Variants in SH3RF2 observed in about 807,000 individuals in gnomAD.
SH3RF2 encodes the protein SH3 domain containing ring finger 2, also known as E3 ubiquitin-protein ligase SH3RF2.
SH3RF2 carries 43 observed loss-of-function variants against 59.0 expected under a neutral mutation model. That is an observed-to-expected ratio of 0.73 (90% CI 0.57 to 0.94). SH3RF2 has a LOEUF of 0.94. SH3RF2 is among the 40% of genes least tolerant of loss of function. The pLI is 0.00. For missense variants in SH3RF2, 930 were observed against 940.1 expected (o/e 0.99, Z 0.14); for synonymous variants, 391 against 391.5 (o/e 1.00, Z 0.01).
chr5:145,950,179 C>G (rs1410740998), intron 2 of SH3RF2, among the ~76,000 whole-genome samples: 1 of 152,168 alleles, frequency 6.6e-6, no homozygotes, highest in South Asian at 2.1e-4. Context: ...CTCAACTGTC[C>G]TTGGAGGTCT....
chr5:146,049,185 T>C lies in SH3RF2; in HGVS notation c.1262T>C (p.Val421Ala). Residue 421 changes from valine to alanine, a missense_variant, in exon 7 of 10, where the codon GTC becomes GCC. Val to Ala is a moderately conservative substitution (Grantham distance 64, BLOSUM62 0). Transcript: ENST00000359120. ...TGCCAGGACGGCTGGCTCAGGGGCG[T>C]CTCCTTGGTCACCGGGCGAGTCGGC... ...GKCQDGWLRG[V>A]SLVTGRVGIF... The C allele has an allele frequency of 1.9e-6, 3 of 1,613,880 alleles. No individual in the cohort carries two copies. The highest frequency in any genetic ancestry group is 2.5e-6 in the Non-Finnish European group (3 of 1,179,948).
chr5:145,975,484 G>A (rs1440932575), intron 2 of SH3RF2, among the ~76,000 whole-genome samples: 2 of 152,194 alleles, frequency 1.3e-5, no homozygotes, highest in Non-Finnish European at 2.9e-5. Flanking sequence ...TTGGATATCA[G>A]ATCCCCCTTC....
intron 2 of SH3RF2, among the ~76,000 whole-genome samples, chr5:145,955,575 A>G (rs1758364318): frequency 6.6e-6 from 1 of 152,194 alleles, no homozygotes. Context: ...GAGAAAAAGG[A>G]AGATCAGGGT....
rs1761012740 is a variant in SH3RF2, at chr5:146,013,980, A to G, written c.978A>G (p.Pro326=). The change falls in exon 5 of 10, where the codon CCA becomes CCG. Residue 326 remains proline (P), a synonymous_variant. Coordinates refer to ENST00000359120, the MANE Select transcript of SH3RF2 (RefSeq NM_152550.4). The part of the protein sequence containing the change: ...SGRHMVEIST[P]VLISSSNPSV... ...GCCATATGGTAGAGATCAGCACCCC[A>G]GTGCTCATCAGCTCCAGCAACCCCT... is the stretch of plus-strand genomic sequence containing the variant. 1 of 1,614,014 alleles carries G rather than the reference A, an allele frequency of 6.2e-7. No homozygotes were observed. Among genetic ancestry groups the G allele is most frequent in the Admixed American group, 1.7e-5 (1 of 60,008 alleles).
chr5:145,956,780 A>G (rs1290509916), intron 2 of SH3RF2, among the ~76,000 whole-genome samples: 2 of 152,228 alleles, frequency 1.3e-5, no homozygotes, highest in African/African-American at 4.8e-5. Flanking sequence ...TGAAGGGGCA[A>G]GGAAGGAAGA....
In SH3RF2 at chr5:146,005,805, T is replaced by G. The variant is rs533094999; in HGVS notation, c.744+1652T>G. ...CTTTCCTCTGAATATCTGATGAGTG[T>G]GTTAGTTGTACTTCACAGGCTAGCC... On this transcript the variant is annotated intron_variant, in intron 4 of 9. Transcript: ENST00000359120. Among the ~76,000 whole-genome samples, 19 of 150,834 alleles carry G rather than the reference T, an allele frequency of 1.3e-4. No homozygotes were observed. In the South Asian group the frequency reaches 4.0e-3, roughly 32 times the overall value.
intron 4 of SH3RF2, among the ~76,000 whole-genome samples, chr5:146,008,128 A>G (rs1306440140): frequency 2.6e-5 from 4 of 152,250 alleles, no homozygotes. Flanking sequence ...GCCTATGCTC[A>G]TTCTTATCAG....
At chr5:145,951,031 T>C (rs1056929958) in intron 2 of SH3RF2, among the ~76,000 whole-genome samples, 5 of 152,236 alleles carry the variant, frequency 3.3e-5, no homozygotes, top group African/African-American at 1.2e-4. Context: ...ATTTTCTCTT[T>C]TCATATTTTA....
intron 9 of SH3RF2, among the ~76,000 whole-genome samples, chr5:146,061,521 G>A (rs1422382564): frequency 2.6e-5 from 4 of 152,152 alleles, no homozygotes; most frequent in African/African-American, 4.8e-5. Context: ...GGATCAGAAC[G>A]TATGAAGAAA....
chr5:145,940,184 T>G (rs953672307), intron 2 of SH3RF2, among the ~76,000 whole-genome samples: 2 of 152,156 alleles, frequency 1.3e-5, no homozygotes, highest in African/African-American at 4.8e-5. Flanking sequence ...GACCAAGTCC[T>G]GTGGTGAGGC....
At chr5:146,079,928 A>G (rs1329283701) in exon 10 of SH3RF2, 1 of 152,222 alleles carries the variant, frequency 6.6e-6, no homozygotes, top group East Asian at 1.9e-4. Context: ...CTGCCTTACA[A>G]TTGAGCAATA....
chr5:145,955,329 C>T (rs1183452913), intron 2 of SH3RF2, among the ~76,000 whole-genome samples: 1 of 152,124 alleles, frequency 6.6e-6, no homozygotes, highest in Non-Finnish European at 1.5e-5. Context: ...TGCACGTTCT[C>T]ACCTGTAAGT....
At chr5:146,013,524 A>G (rs1760987581) in intron 4 of SH3RF2, among the ~76,000 whole-genome samples, 1 of 152,178 alleles carries the variant, frequency 6.6e-6, no homozygotes, top group Non-Finnish European at 1.5e-5. Context: ...AAAGAGTAAT[A>G]CTTACTTTGC....
At chr5:146,067,289 C>T (rs1763129687), downstream of SH3RF2, among the ~76,000 whole-genome samples, 1 of 152,164 alleles carries the variant, frequency 6.6e-6, no homozygotes. Flanking sequence ...CAGCAGCAAC[C>T]CAGGCGGCTG....
chr5:146,052,816 C>T (rs1355250818), intron 7 of SH3RF2, among the ~76,000 whole-genome samples: 1 of 152,128 alleles, frequency 6.6e-6, no homozygotes, highest in Non-Finnish European at 1.5e-5. Flanking sequence ...CTGTCCTTTT[C>T]AGCTGAGTTC....
intron 2 of SH3RF2, among the ~76,000 whole-genome samples, chr5:145,984,911 C>T (rs986379665): frequency 1.3e-5 from 2 of 152,170 alleles, no homozygotes; most frequent in African/African-American, 2.4e-5. Context: ...AATCCCAGCA[C>T]TTTAGGAGGC....
chr5:146,037,704 T>C (rs1025819331), intron 5 of SH3RF2, among the ~76,000 whole-genome samples: 9 of 152,232 alleles, frequency 5.9e-5, no homozygotes, highest in African/African-American at 2.2e-4. Context: ...AATCTTCCTA[T>C]ACAGAAAACT....
At chr5:145,985,957 T>C (rs533762172) in intron 2 of SH3RF2, among the ~76,000 whole-genome samples, 1 of 152,024 alleles carries the variant, frequency 6.6e-6, no homozygotes, top group Admixed American at 6.6e-5. Context: ...TGAGCAATGA[T>C]TGCACTGCTG....
intron 5 of SH3RF2, among the ~76,000 whole-genome samples, chr5:146,046,270 G>C (rs549598676): frequency 6.6e-6 from 1 of 152,246 alleles, no homozygotes; most frequent in Admixed American, 6.5e-5. Context: ...GATTTGCAAT[G>C]GACCAATGCC....
Sources: allele counts gnomAD v4.1 joint callset (sites outside exome capture counted in the v4.1 genomes callset), GRCh38; gene constraint gnomAD v4.1.1; transcripts MANE v1.5; gene names NCBI Gene and HGNC (gene_info 2026-07-23, HGNC 2026-07-21).